Variants in TRPC6 observed in about 807,000 individuals in gnomAD.
The protein encoded by TRPC6 is transient receptor potential cation channel subfamily C member 6.
Under a neutral mutation model 90.7 loss-of-function variants are expected in TRPC6, and 55 were observed. The observed-to-expected ratio is 0.61, with a 90% confidence interval of 0.49 to 0.76. The LOEUF (loss-of-function observed/expected upper bound fraction) is 0.76. Ranked by LOEUF, TRPC6 falls within the 30% of genes least tolerant of loss-of-function variation. The probability of loss-of-function intolerance (pLI) is 0.00; values close to 1 mark genes in which losing one functional copy is unlikely to be tolerated. For synonymous variants in TRPC6, 393 were observed against 393.0 expected (o/e 1.00, Z 0.00); for missense variants, 989 against 1,122.7 (o/e 0.88, Z 1.70).
At chr11:101,545,871 G>A (rs4492784) in intron 1 of TRPC6, among the ~76,000 whole-genome samples, 52,508 of 151,546 alleles carry the variant, frequency 0.35, 9,339 homozygotes, top group East Asian at 0.44. Context: ...CTATTTACAC[G>A]TGTAGCATTT....
rs1860219728 is a variant in TRPC6 at position 101,504,807 on chromosome 11, A to C, written c.171-9T>G. 6.2e-7 allele frequency: 1 copy of C among 1,611,384 alleles called. No individual in the cohort carries two copies. Among genetic ancestry groups the C allele is most frequent in the African/African-American group, 1.3e-5 (1 of 74,762 alleles). The stretch of plus-strand genomic sequence containing the variant: ...TGTTGTCAGATCCCCGGCTGCAATA[A>C]AACAGAAAGATTGTAAACAAATCAC... On this transcript the variant is annotated splice_polypyrimidine_tract_variant and intron_variant, in intron 1 of 12. Transcript: ENST00000344327.
At chr11:101,550,565 GA>G (rs1001864935) in intron 1 of TRPC6, among the ~76,000 whole-genome samples, 2 of 151,370 alleles carry the variant, frequency 1.3e-5, no homozygotes, top group African/African-American at 4.8e-5. Context: ...CAGAACTAAA[GA>G]AAAAATAATT....
At chr11:101,458,262 T>G (rs2136644375) in intron 10 of TRPC6, among the ~76,000 whole-genome samples, 1 of 152,334 alleles carries the variant, frequency 6.6e-6, no homozygotes, top group Non-Finnish European at 1.5e-5. Flanking sequence ...CAATTCATCC[T>G]AGAGATATTT....
intron 1 of TRPC6, among the ~76,000 whole-genome samples, chr11:101,580,336 C>T (rs952796590): frequency 4.6e-5 from 7 of 152,078 alleles, no homozygotes; most frequent in Non-Finnish European, 2.9e-5. Context: ...AGGACATGGG[C>T]CTTTCTTGCT....
chr11:101,499,444 C>T (rs1237392737), intron 2 of TRPC6, among the ~76,000 whole-genome samples: 1 of 149,892 alleles, frequency 6.7e-6, no homozygotes, highest in Non-Finnish European at 1.5e-5. Flanking sequence ...TTTATTCCTA[C>T]TACTATTTAT....
intron 1 of TRPC6, among the ~76,000 whole-genome samples, chr11:101,565,097 C>A (rs1463529651): frequency 6.6e-6 from 1 of 152,026 alleles, no homozygotes; most frequent in Non-Finnish European, 1.5e-5. Context: ...AACATAAGAT[C>A]TTTCCCTAGA....
intron 5 of TRPC6, 35 bp from the exon 6 acceptor site, chr11:101,476,569 C>A: frequency 1.3e-6 from 2 of 1,539,706 alleles, no homozygotes; most frequent in Non-Finnish European, 1.8e-6. Context: ...TCAATTCAAT[C>A]GCATTCAGCC....
chr11:101,493,735 GA>G (rs1591084668), intron 2 of TRPC6, among the ~76,000 whole-genome samples: 1 of 152,132 alleles, frequency 6.6e-6, no homozygotes, highest in East Asian at 1.9e-4. Flanking sequence ...TTCTCTTCCT[GA>G]AACCAGTGTG....
chr11:101,518,077 T>C (rs1381544727), intron 1 of TRPC6, among the ~76,000 whole-genome samples: 1 of 152,222 alleles, frequency 6.6e-6, no homozygotes, highest in Non-Finnish European at 1.5e-5. Flanking sequence ...TGTGATATAC[T>C]GGTATATCTG....
chr11:101,524,801 C>G (rs1447432338), intron 1 of TRPC6, among the ~76,000 whole-genome samples: 3 of 152,150 alleles, frequency 2.0e-5, no homozygotes, highest in Non-Finnish European at 2.9e-5. Context: ...GGAATAAGTA[C>G]AGGTGATTTT....
At chr11:101,460,348 C>T (rs1186877707) in intron 10 of TRPC6, among the ~76,000 whole-genome samples, 1 of 152,120 alleles carries the variant, frequency 6.6e-6, no homozygotes, top group Non-Finnish European at 1.5e-5. Flanking sequence ...TTACTCATAG[C>T]CACTGGTATA....
intron 1 of TRPC6, 43 bp from the exon 2 acceptor site, chr11:101,504,841 C>A (rs1212941655): frequency 4.4e-6 from 7 of 1,601,390 alleles, no homozygotes; most frequent in Middle Eastern, 1.7e-4. Context: ...ACATTAAGAG[C>A]ATTTTAGTGT....
intron 1 of TRPC6, among the ~76,000 whole-genome samples, chr11:101,562,900 G>T (rs927799552): frequency 2.0e-5 from 3 of 152,124 alleles, no homozygotes; most frequent in Non-Finnish European, 4.4e-5. Flanking sequence ...CCTACTTCAT[G>T]GGGCTGCCGT....
At chr11:101,555,799 A>G (rs1861549785) in intron 1 of TRPC6, among the ~76,000 whole-genome samples, 1 of 152,182 alleles carries the variant, frequency 6.6e-6, no homozygotes, top group African/African-American at 2.4e-5. Flanking sequence ...AAATTTATTT[A>G]CAAAACTTGA....
In TRPC6 at chr11:101,491,703, G is replaced by A; in HGVS notation, c.981C>T (p.Asp327=). ...DYKKLSMQCK[D]FVVGLLDLCR... ...ACAGATCAAGGAGTCCAACAACAAAGTCTTTGCACTGCATTGACAGTTTTT... is the reference window on the plus strand; with the variant it reads ...ACAGATCAAGGAGTCCAACAACAAAATCTTTGCACTGCATTGACAGTTTTT... The change falls in exon 3 of 13, where the codon GAC becomes GAT. Residue 327 remains aspartate, a synonymous_variant. Transcript: ENST00000344327. 1 of 1,613,788 alleles carries A rather than the reference G, an allele frequency of 6.2e-7. No homozygotes were observed.
intron 1 of TRPC6, among the ~76,000 whole-genome samples, chr11:101,558,276 T>G (rs1233136265): frequency 8.0e-6 from 1 of 124,438 alleles, no homozygotes; most frequent in African/African-American, 3.0e-5. Flanking sequence ...TGGGTATACA[T>G]GTATATATGT....
intron 1 of TRPC6, among the ~76,000 whole-genome samples, chr11:101,548,260 T>TAA (rs1334673718): frequency 1.7e-5 from 2 of 115,676 alleles, no homozygotes; most frequent in African/African-American, 3.4e-5. Flanking sequence ...CATATATATA[T>TAA]ACATATATAT....
At chr11:101,531,310 TG>T (rs1247566183) in intron 1 of TRPC6, among the ~76,000 whole-genome samples, 1 of 152,194 alleles carries the variant, frequency 6.6e-6, no homozygotes, top group Non-Finnish European at 1.5e-5. Context: ...ACTTTACAAG[TG>T]GGAAGACTGA....
intron 6 of TRPC6, among the ~76,000 whole-genome samples, chr11:101,474,581 TATC>T (rs745744209): frequency 2.6e-5 from 4 of 152,176 alleles, no homozygotes; most frequent in Non-Finnish European, 4.4e-5. Context: ...ATATAAGTAT[TATC>T]TACAAATAGC....
Sources: gnomAD v4.1 joint callset for allele counts (sites outside exome capture counted in the v4.1 genomes callset) on GRCh38, gnomAD v4.1.1 for gene constraint, MANE v1.5 for transcripts, NCBI Gene and HGNC (gene_info 2026-07-23, HGNC 2026-07-21) for gene names.